Variants in TRIM14 observed in about 807,000 individuals in gnomAD.
The protein encoded by TRIM14 is tripartite motif-containing protein 14.
Under a neutral mutation model 44.5 loss-of-function variants are expected in TRIM14, and 28 were observed. The ratio of observed to expected loss-of-function variants is 0.63; its 90% CI spans 0.47 to 0.86. The LOEUF is 0.86. Ranked by LOEUF, TRIM14 falls within the 40% of genes least tolerant of loss-of-function variation. The pLI is 0.00. For missense variants in TRIM14, 607 were observed against 611.1 expected, an observed-to-expected ratio of 0.99 and a Z score of 0.07; for synonymous variants, 299 against 269.2, an observed-to-expected ratio of 1.11 and a Z score of -1.08.
At chr9:98,054,077 G>T in the TRIM14 span, among the ~76,000 whole-genome samples, 1 of 152,168 alleles carries the variant, frequency 6.6e-6, no homozygotes, top group Non-Finnish European at 1.5e-5. Flanking sequence ...TGGCATCAAT[G>T]AGTAGTCTCT....
At chr9:98,108,056 C>A (rs967559682) in intron 2 of TRIM14, among the ~76,000 whole-genome samples, 1 of 149,194 alleles carries the variant, frequency 6.7e-6, no homozygotes, top group Admixed American at 6.7e-5. Context: ...GATAAGTTGA[C>A]ATAAAACTAT....
At position 98,104,812 on chromosome 9, in the gene TRIM14, T is replaced by A. The variant is rs1034921127; in HGVS notation, c.304-4648A>T. Among the ~76,000 whole-genome samples, 6 of 152,268 alleles carry A rather than the reference T, an allele frequency of 3.9e-5. No homozygotes were observed. In the East Asian group the frequency reaches 7.7e-4, roughly 20 times the overall value. On this transcript the variant is annotated intron_variant, in intron 2 of 5. Coordinates refer to ENST00000341469, the MANE Select transcript of TRIM14 (RefSeq NM_014788.4). ...CTCAGAGTGTGGGCTGCTGTGTGAA[T>A]CCACCTCTGGGTCCTGTGGAGAGTG...
At chr9:98,092,443 C>T (rs1420365294) in intron 4 of TRIM14, 2 of 353,994 alleles carry the variant, frequency 5.6e-6, no homozygotes, top group Non-Finnish European at 1.1e-5. Context: ...ACACCCTTCC[C>T]CCCTTGCCCA....
At chr9:98,039,808 T>TA in the TRIM14 span, among the ~76,000 whole-genome samples, 2 of 152,096 alleles carry the variant, frequency 1.3e-5, no homozygotes, top group Admixed American at 6.6e-5. Flanking sequence ...AAGTTATCCT[T>TA]AAAATCTCTG....
At chr9:98,102,793 A>C (rs1041498480) in intron 2 of TRIM14, among the ~76,000 whole-genome samples, 16 of 152,234 alleles carry the variant, frequency 1.1e-4, no homozygotes, top group African/African-American at 3.6e-4. Context: ...TATAATTCAT[A>C]CCACTGAATT....
downstream of TRIM14, chr9:98,082,787 A>T (rs1431268367): frequency 1.8e-5 from 27 of 1,533,082 alleles, no homozygotes; most frequent in Non-Finnish European, 2.3e-5. Context: ...GTGTAAAGTA[A>T]AGTAGTGTGC....
chr9:98,088,004 G>T lies in TRIM14; in HGVS notation c.795C>A (p.Tyr265Ter). ...CAGGATCCAGCGTGGGCGTGCGCGC[G>T]TCTGCAGGGGGCGAGACAAGGGACG... ...PSPERSLLLKYARTPTLDPDT... is the reference protein window; with the variant it reads ...PSPERSLLLK Residue 265 changes from tyrosine to a stop codon, truncating the protein, a stop_gained and splice_region_variant, in exon 6 of 6, where the codon TAC becomes TAA. Coordinates refer to ENST00000341469, the MANE Select transcript of TRIM14 (RefSeq NM_014788.4). LOFTEE classifies it high-confidence loss of function. 6.5e-7 allele frequency: 1 copy of T among 1,530,240 alleles called. No individual in the cohort carries two copies. Among genetic ancestry groups the T allele is most frequent in the Non-Finnish European group, 8.7e-7 (1 of 1,152,280 alleles). The allele number at this position is 1,530,240 out of a possible 1,614,324, so 94.8% of individuals were successfully genotyped here. A position where few individuals can be genotyped will look rare whatever the true frequency, so the allele number is the denominator to read the frequency against.
the TRIM14 span, among the ~76,000 whole-genome samples, chr9:98,045,329 G>T: frequency 6.6e-6 from 1 of 152,150 alleles, no homozygotes; most frequent in Non-Finnish European, 1.5e-5. Flanking sequence ...ATCAAGTTTA[G>T]CCTAAAGCTG....
intron 6 of TRIM14, chr9:98,078,188 C>G (rs1587926337): frequency 3.7e-6 from 6 of 1,614,172 alleles, no homozygotes; most frequent in African/African-American, 1.3e-5. Context: ...TGCTGGATTA[C>G]TCAGGTCGCC....
rs1264715109 is a variant in TRIM14, at chr9:98,100,049, G to A, written c.419C>T (p.Thr140Ile). The A allele has an allele frequency of 6.2e-7, 1 of 1,614,068 alleles. No individual in the cohort carries two copies. The highest frequency in any genetic ancestry group is 1.3e-5 in the African/African-American group (1 of 74,914). Residue 140 changes from threonine to isoleucine, a missense_variant, in exon 3 of 6, where the codon ACC (threonine) becomes ATC (isoleucine). Transcript: ENST00000341469. ...AGCTTGTTCCCTGTACACCTGGAGG[G>A]TAAGCTGCGTGTTTTTATCAATGAA... ...KKFIDKNTQL[T>I]LQVYREQADS...
At chr9:98,106,737 G>GT (rs1172691602) in intron 2 of TRIM14, among the ~76,000 whole-genome samples, 1 of 151,694 alleles carries the variant, frequency 6.6e-6, no homozygotes, top group African/African-American at 2.4e-5. Context: ...AGAATACATA[G>GT]TAAAAATGTC....
intron 6 of TRIM14, among the ~76,000 whole-genome samples, chr9:98,074,445 C>T (rs1829489934): frequency 6.6e-6 from 1 of 152,114 alleles, no homozygotes; most frequent in Non-Finnish European, 1.5e-5. Context: ...AGTTGCTGAC[C>T]CAGCCTGTAG....
At chr9:98,040,944 C>T in the TRIM14 span, among the ~76,000 whole-genome samples, 18 of 152,042 alleles carry the variant, frequency 1.2e-4, no homozygotes, top group Middle Eastern at 3.2e-3. Flanking sequence ...CGTGAGCCAC[C>T]GTGCCCAGTG....
chr9:98,040,350 C>A, the TRIM14 span, among the ~76,000 whole-genome samples: 2 of 152,086 alleles, frequency 1.3e-5, no homozygotes, highest in Non-Finnish European at 2.9e-5. Context: ...GGCCCCTGAT[C>A]CCCATGGCCA....
rs890676014 is a variant in TRIM14 at position 98,076,828 on chromosome 9, G to T, written c.*29-7141C>A. On this transcript the variant is annotated intron_variant, in intron 6 of 6. Transcript: ENST00000375098. ...GTCCCTCTACTGCCTAAGATGAGGG[G>T]TTTTTCTACTTGTATGTTATTCCTT... 26 of 1,059,950 alleles carry T rather than the reference G, an allele frequency of 2.5e-5. No homozygotes were observed. In the African/African-American group the frequency reaches 4.0e-4, roughly 16 times the overall value. 65.7% of individuals were successfully genotyped at this position (1,059,950 alleles called of 1,614,324 possible).
chr9:98,086,897 T>A lies in TRIM14; in HGVS notation c.*573A>T, dbSNP rs1490099245. On this transcript the variant is annotated 3_prime_UTR_variant, in exon 6 of 6. Transcript: ENST00000341469. ...AAGTGAAGTTTTAGGAAGATCACTC[T>A]AGTTTTAGGGTGGAAGATGAGGACT... The A allele has an allele frequency of 6.3e-6, 1 of 157,854 alleles. No homozygotes were observed. The highest frequency in any genetic ancestry group is 1.4e-5 in the Non-Finnish European group (1 of 71,924). The allele number at this position is 157,854 out of a possible 1,614,324, so 9.8% of individuals were successfully genotyped here.
At chr9:98,105,627 T>C (rs768004138) in intron 2 of TRIM14, among the ~76,000 whole-genome samples, 68 of 152,208 alleles carry the variant, frequency 4.5e-4, no homozygotes, top group Non-Finnish European at 7.8e-4. Context: ...GTAAATTCAC[T>C]GATGCCAAAA....
chr9:98,046,915 T>A, the TRIM14 span, among the ~76,000 whole-genome samples: 2 of 152,060 alleles, frequency 1.3e-5, no homozygotes, highest in Non-Finnish European at 2.9e-5. Flanking sequence ...CTGGGGAAAC[T>A]TTTCCCCCCA....
chr9:98,043,655 C>G, the TRIM14 span, among the ~76,000 whole-genome samples: 9 of 151,494 alleles, frequency 5.9e-5, no homozygotes, highest in Non-Finnish European at 7.4e-5. Flanking sequence ...CATACACACA[C>G]ACAGAGAGAG....
Sources: allele counts gnomAD v4.1 joint callset (sites outside exome capture counted in the v4.1 genomes callset), GRCh38; gene constraint gnomAD v4.1.1; transcripts MANE v1.5; gene names NCBI Gene and HGNC (gene_info 2026-07-23, HGNC 2026-07-21).